The following PDE7B variants were observed in gnomAD, a reference collection of about 807,000 sequenced individuals.
PDE7B encodes the protein phosphodiesterase 7B, also known as 3',5'-cyclic-AMP phosphodiesterase 7B.
PDE7B carries 29 observed loss-of-function variants against 56.2 expected under a neutral mutation model. The observed-to-expected ratio is 0.52, with a 90% CI of 0.38 to 0.70. The LOEUF is 0.70. PDE7B is among the 30% of genes least tolerant of loss of function. PDE7B has a pLI of 0.00. For missense variants in PDE7B, 490 were observed against 565.0 expected, an observed-to-expected ratio of 0.87 and a Z score of 1.35; for synonymous variants, 197 against 196.9, an observed-to-expected ratio of 1.00 and a Z score of 0.00.
chr6:136,058,567 T>A (rs1776780048), intron 2 of PDE7B, among the ~76,000 whole-genome samples: 1 of 152,210 alleles, frequency 6.6e-6, no homozygotes, highest in African/African-American at 2.4e-5. Context: ...ATCTGAGTTT[T>A]GGATGTACTA....
intron 3 of PDE7B, among the ~76,000 whole-genome samples, chr6:136,140,972 G>A (rs558260748): frequency 9.2e-5 from 14 of 152,194 alleles, no homozygotes; most frequent in Non-Finnish European, 1.6e-4. Flanking sequence ...TCTCCTGCCT[G>A]ATTGTCCTGG....
chr6:135,959,754 C>T (rs1386998496), intron 2 of PDE7B, among the ~76,000 whole-genome samples: 4 of 145,806 alleles, frequency 2.7e-5, no homozygotes, highest in Non-Finnish European at 4.5e-5. Context: ...TGGAATATCA[C>T]AGAGTCTTTT....
At chr6:136,015,534 G>A (rs1255053309) in intron 2 of PDE7B, among the ~76,000 whole-genome samples, 1 of 152,198 alleles carries the variant, frequency 6.6e-6, no homozygotes, top group Non-Finnish European at 1.5e-5. Context: ...TTTTCCGCCT[G>A]AGAATAAGTA....
intron 2 of PDE7B, among the ~76,000 whole-genome samples, chr6:136,015,389 T>G (rs2128207563): frequency 6.6e-6 from 1 of 152,346 alleles, no homozygotes. Flanking sequence ...ATTTTCTGAT[T>G]CAAGGTGACA....
intron 2 of PDE7B, among the ~76,000 whole-genome samples, chr6:135,996,764 C>T (rs2128205713): frequency 6.6e-6 from 1 of 152,192 alleles, no homozygotes. Flanking sequence ...ATCTAGTTAC[C>T]CTACTTCTTT....
intron 2 of PDE7B, among the ~76,000 whole-genome samples, chr6:136,028,929 G>A (rs1474743922): frequency 6.6e-6 from 1 of 152,130 alleles, no homozygotes; most frequent in Admixed American, 6.5e-5. Flanking sequence ...AATGTCAGAT[G>A]CATCTGACAT....
At chr6:136,076,734 C>T (rs187974173) in intron 2 of PDE7B, among the ~76,000 whole-genome samples, 196 of 152,190 alleles carry the variant, frequency 1.3e-3, no homozygotes, top group Non-Finnish European at 2.1e-3. Flanking sequence ...AGCTTCTGAA[C>T]TTAATAATGC....
chr6:136,010,330 A>T (rs1775869918), intron 2 of PDE7B, among the ~76,000 whole-genome samples: 1 of 150,604 alleles, frequency 6.6e-6, no homozygotes, highest in Non-Finnish European at 1.5e-5. Flanking sequence ...ACCAGGTTTT[A>T]GGAATTCTAA....
At chr6:136,053,083 A>C (rs376149097) in intron 2 of PDE7B, among the ~76,000 whole-genome samples, 39 of 152,240 alleles carry the variant, frequency 2.6e-4, no homozygotes, top group African/African-American at 8.2e-4. Flanking sequence ...TTATACTTCA[A>C]GTTTTAGGGT....
intron 1 of PDE7B, among the ~76,000 whole-genome samples, chr6:135,929,993 C>G (rs1379699481): frequency 2.0e-5 from 3 of 152,170 alleles, no homozygotes; most frequent in Non-Finnish European, 2.9e-5. Context: ...ACTAGGAATT[C>G]TGGGTTATTT....
At chr6:136,013,528 A>G (rs1309942774) in intron 2 of PDE7B, among the ~76,000 whole-genome samples, 2 of 152,208 alleles carry the variant, frequency 1.3e-5, no homozygotes, top group Admixed American at 6.5e-5. Context: ...GCTGTTAGGA[A>G]TGAATGTGGG....
intron 2 of PDE7B, among the ~76,000 whole-genome samples, chr6:135,978,938 G>T (rs1775242117): frequency 6.6e-6 from 1 of 151,908 alleles, no homozygotes; most frequent in Non-Finnish European, 1.5e-5. Flanking sequence ...GTGAGAGAGG[G>T]CATCCGTGTC....
intron 1 of PDE7B, among the ~76,000 whole-genome samples, chr6:135,893,967 C>T (rs1775854341): frequency 6.6e-6 from 1 of 152,138 alleles, no homozygotes; most frequent in South Asian, 2.1e-4. Flanking sequence ...CAGTTAAAAA[C>T]TTGATCCGTT....
At chr6:136,084,424 A>C (rs1470426869) in intron 2 of PDE7B, among the ~76,000 whole-genome samples, 1 of 152,208 alleles carries the variant, frequency 6.6e-6, no homozygotes, top group Non-Finnish European at 1.5e-5. Context: ...ATCTCTAGAA[A>C]GGGAAGGGGA....
chr6:135,934,766 T>TATATATATATTTATTATATATATTTTTAA (rs1774363772), intron 1 of PDE7B, among the ~76,000 whole-genome samples: 1 of 97,664 alleles, frequency 1.0e-5, no homozygotes, highest in Non-Finnish European at 2.0e-5. Context: ...TTTTTAAATA[T>TATATATATATTTATTATATATATTTTTAA]ATATATATAT....
chr6:135,961,273 GTGTGTGTA>G (rs757059481), intron 2 of PDE7B, among the ~76,000 whole-genome samples: 17,285 of 137,528 alleles, frequency 0.13, 1,233 homozygotes, highest in Admixed American at 0.25. Flanking sequence ...GTGTGTGTGT[GTGTGTGTA>G]TGTGTGTGTG....
At chr6:136,037,927 G>A in intron 2 of PDE7B, 1 of 1,185,522 alleles carries the variant, frequency 8.4e-7, no homozygotes, top group Non-Finnish European at 1.1e-6. Context: ...TGTAGCCTGG[G>A]ATTAATTAAG....
chr6:135,964,035 C>T (rs1339055517), intron 2 of PDE7B, among the ~76,000 whole-genome samples: 1 of 151,802 alleles, frequency 6.6e-6, no homozygotes, highest in Non-Finnish European at 1.5e-5. Context: ...GTTCATTGTT[C>T]TCTCATTGAA....
At chr6:136,102,266 T>G (rs1777574737) in intron 2 of PDE7B, among the ~76,000 whole-genome samples, 2 of 148,542 alleles carry the variant, frequency 1.3e-5, no homozygotes, top group African/African-American at 2.5e-5. Context: ...AAGGAGCTGG[T>G]AGGGGGTGGG....
Sources: allele counts gnomAD v4.1 joint callset (sites outside exome capture counted in the v4.1 genomes callset), GRCh38; gene constraint gnomAD v4.1.1; transcripts MANE v1.5; gene names NCBI Gene and HGNC (gene_info 2026-07-23, HGNC 2026-07-21).